DOP1A: variants seen among roughly 807,000 people sequenced by gnomAD.
DOP1A encodes DOP1 leucine zipper like protein A.
Under a neutral mutation model 267.6 loss-of-function variants are expected in DOP1A, and 90 were observed. The ratio of observed to expected loss-of-function variants is 0.34; its 90% CI spans 0.28 to 0.40. The LOEUF is 0.40. Ranked by LOEUF, DOP1A falls within the 10% of genes least tolerant of loss-of-function variation. The pLI is 1.00. For missense variants in DOP1A, 2,437 were observed against 2,900.4 expected, an observed-to-expected ratio of 0.84 and a Z score of 3.67; for synonymous variants, 932 against 999.1, an observed-to-expected ratio of 0.93 and a Z score of 1.27.
intron 1 of DOP1A, among the ~76,000 whole-genome samples, chr6:83,071,864 CAGAAAACA>C (rs1330619659): frequency 6.6e-6 from 1 of 152,032 alleles, no homozygotes; most frequent in Non-Finnish European, 1.5e-5. Flanking sequence ...AAATCTAAAT[CAGAAAACA>C]AGTGGGAACC....
At chr6:83,121,114 A>C (rs1776305114) in intron 10 of DOP1A, among the ~76,000 whole-genome samples, 1 of 151,812 alleles carries the variant, frequency 6.6e-6, no homozygotes, top group Non-Finnish European at 1.5e-5. Context: ...GAATCCAAGG[A>C]CTTGAGGAAA....
chr6:83,103,184 C>T (rs1280482209), intron 4 of DOP1A, among the ~76,000 whole-genome samples: 1 of 152,156 alleles, frequency 6.6e-6, no homozygotes, highest in African/African-American at 2.4e-5. Context: ...ATGGCATTCA[C>T]AGTAACCTGA....
Position 83,117,873 on chromosome 6 carries a change from T to G in DOP1A, c.781-1015T>G, listed in dbSNP as rs564666616. ...GGAGTGAACCTAATTCGTCAATTGT[T>G]GGTGATCTGTGTTCTGTATCATCTC... is the stretch of plus-strand genomic sequence containing the variant. On this transcript the variant is annotated intron_variant, in intron 7 of 38. Transcript: ENST00000349129. Among the ~76,000 whole-genome samples, 7 of 152,336 alleles carry G rather than the reference T, an allele frequency of 4.6e-5. No individual in the cohort carries two copies. In the East Asian group the frequency reaches 1.2e-3, roughly 25 times the overall value.
chr6:83,157,062 T>C, intron 34 of DOP1A, 120 bp from the exon 35 acceptor site: 1 of 924,074 alleles, frequency 1.1e-6, no homozygotes, highest in Non-Finnish European at 1.6e-6. Flanking sequence ...ACAACAGTTT[T>C]GAATTTTTTT....
At chr6:83,146,750 T>C (rs187501495) in intron 25 of DOP1A, among the ~76,000 whole-genome samples, 3 of 152,342 alleles carry the variant, frequency 2.0e-5, no homozygotes, top group Admixed American at 6.5e-5. Flanking sequence ...ATTTTTATTA[T>C]ATATTACACT....
chr6:83,072,949 C>G, intron 1 of DOP1A: 1 of 351,626 alleles, frequency 2.8e-6, no homozygotes, highest in Non-Finnish European at 5.6e-6. Flanking sequence ...TTTTCTCCTG[C>G]TGGCCTGTGA....
intron 36 of DOP1A, among the ~76,000 whole-genome samples, chr6:83,159,069 C>T (rs521811): frequency 0.35 from 52,600 of 151,926 alleles, 10,553 homozygotes; most frequent in African/African-American, 0.56. Context: ...CAATTTTTTA[C>T]TTACACAAAT....
intron 37 of DOP1A, among the ~76,000 whole-genome samples, chr6:83,160,235 A>G (rs1783914217): frequency 6.6e-6 from 1 of 152,204 alleles, no homozygotes; most frequent in Admixed American, 6.5e-5. Flanking sequence ...AGACATACTC[A>G]TACTATGGTG....
chr6:83,068,388 C>T, intron 1 of DOP1A, among the ~76,000 whole-genome samples: 1 of 152,158 alleles, frequency 6.6e-6, no homozygotes, highest in African/African-American at 2.4e-5. Flanking sequence ...TAACAATAGT[C>T]ACTTGTTCGG....
At chr6:83,094,352 T>C (rs1771056205) in intron 1 of DOP1A, among the ~76,000 whole-genome samples, 1 of 152,242 alleles carries the variant, frequency 6.6e-6, no homozygotes, top group South Asian at 2.1e-4. Flanking sequence ...GAATAATGCA[T>C]CTATGAGCAT....
intron 38 of DOP1A, chr6:83,167,416 G>T: frequency 1.0e-6 from 1 of 980,676 alleles, no homozygotes; most frequent in Non-Finnish European, 1.2e-6. Context: ...AGATAAAAGG[G>T]AATTAACTAA....
chr6:83,112,546 C>T (rs955161328), intron 6 of DOP1A, among the ~76,000 whole-genome samples: 1 of 152,184 alleles, frequency 6.6e-6, no homozygotes. Flanking sequence ...TCACTGCAAC[C>T]TCCACCTCCA....
At chr6:83,163,189 A>G (rs965039716) in intron 38 of DOP1A, among the ~76,000 whole-genome samples, 1 of 152,180 alleles carries the variant, frequency 6.6e-6, no homozygotes, top group Admixed American at 6.5e-5. Flanking sequence ...CTACCTTAAA[A>G]TGTTTTCCCC....
chr6:83,083,059 C>A (rs908818369), intron 1 of DOP1A, among the ~76,000 whole-genome samples: 2 of 152,144 alleles, frequency 1.3e-5, no homozygotes, highest in African/African-American at 4.8e-5. Context: ...CCACCCGCCT[C>A]AGCCTCCTGA....
chr6:83,079,274 A>C (rs1767667332), intron 1 of DOP1A, among the ~76,000 whole-genome samples: 1 of 152,192 alleles, frequency 6.6e-6, no homozygotes, highest in Non-Finnish European at 1.5e-5. Flanking sequence ...ATACATAGGC[A>C]TGATTGAATT....
chr6:83,119,908 G>A (rs1776085161), intron 9 of DOP1A, 51 bp downstream of exon 9: 2 of 1,454,068 alleles, frequency 1.4e-6, no homozygotes, highest in Admixed American at 1.8e-5. Flanking sequence ...ACTAGAGGTA[G>A]TGAAAAAGTG....
intron 1 of DOP1A, among the ~76,000 whole-genome samples, chr6:83,073,828 A>G (rs1220739792): frequency 1.3e-5 from 2 of 152,194 alleles, no homozygotes; most frequent in South Asian, 2.1e-4. Context: ...TCCTCCCCAC[A>G]TGGGCCTCTT....
downstream of DOP1A, chr6:83,169,914 GA>G: frequency 2.5e-6 from 1 of 405,976 alleles, no homozygotes; most frequent in Non-Finnish European, 4.8e-6. Flanking sequence ...CAAGAGTCCA[GA>G]ATGCTATCAG....
chr6:83,118,812 A>C, intron 7 of DOP1A, 76 bp from the exon 8 acceptor site: 2 of 1,255,768 alleles, frequency 1.6e-6, no homozygotes, highest in African/African-American at 3.0e-5. Context: ...AGCATATTTC[A>C]GGGCATTTTT....
Sources: gnomAD v4.1 joint callset for allele counts (sites outside exome capture counted in the v4.1 genomes callset) on GRCh38, gnomAD v4.1.1 for gene constraint, MANE v1.5 for transcripts, NCBI Gene and HGNC (gene_info 2026-07-23, HGNC 2026-07-21) for gene names.